ST6GALNAC3: variants seen among roughly 807,000 people sequenced by gnomAD.
ST6GALNAC3 encodes the protein alpha-N-acetylgalactosaminide alpha-2,6-sialyltransferase 3.
A neutral mutation model predicts 32.7 loss-of-function variants in ST6GALNAC3; 25 were observed. The observed-to-expected ratio is 0.76, with a 90% CI of 0.56 to 1.07. The LOEUF (loss-of-function observed/expected upper bound fraction) is 1.07, where lower values mean the gene tolerates loss of function less well. ST6GALNAC3 is among the 50% of genes least tolerant of loss of function. ST6GALNAC3 has a pLI of 0.00. For missense variants in ST6GALNAC3, 355 were observed against 382.4 expected (o/e 0.93, Z 0.60); for synonymous variants, 129 against 133.1 (o/e 0.97, Z 0.21).
chr1:76,147,063 T>A (rs1650731037), intron 1 of ST6GALNAC3, among the ~76,000 whole-genome samples: 3 of 143,522 alleles, frequency 2.1e-5, no homozygotes, highest in African/African-American at 7.6e-5. Context: ...TCCCCCCACT[T>A]CTTTTTTTTT....
chr1:76,221,764 T>G (rs1655785403), intron 1 of ST6GALNAC3, among the ~76,000 whole-genome samples: 1 of 152,204 alleles, frequency 6.6e-6, no homozygotes, highest in Non-Finnish European at 1.5e-5. Flanking sequence ...AAGATTGGCC[T>G]CTTTATGCTC....
intron 1 of ST6GALNAC3, among the ~76,000 whole-genome samples, chr1:76,263,828 CTT>C (rs370173259): frequency 6.6e-6 from 1 of 151,470 alleles, no homozygotes; most frequent in African/African-American, 2.4e-5. Flanking sequence ...CTTAGAAGTG[CTT>C]TTTTTTTTTT....
At chr1:76,475,873 C>T (rs571475961) in intron 3 of ST6GALNAC3, among the ~76,000 whole-genome samples, 6 of 152,172 alleles carry the variant, frequency 3.9e-5, no homozygotes, top group South Asian at 4.2e-4. Flanking sequence ...CGACAGGCCC[C>T]GCTGTGTGAT....
At chr1:76,157,765 A>C (rs1477344261) in intron 1 of ST6GALNAC3, among the ~76,000 whole-genome samples, 1 of 152,358 alleles carries the variant, frequency 6.6e-6, no homozygotes, top group East Asian at 1.9e-4. Flanking sequence ...CAGAATAACT[A>C]TACCACCCTA....
At chr1:76,223,547 CT>C (rs1655899854) in intron 1 of ST6GALNAC3, among the ~76,000 whole-genome samples, 1 of 152,082 alleles carries the variant, frequency 6.6e-6, no homozygotes, top group Non-Finnish European at 1.5e-5. Flanking sequence ...ACATGTACCC[CT>C]GAACTTAAAA....
At chr1:76,230,345 ATATT>A (rs1457531010) in intron 1 of ST6GALNAC3, among the ~76,000 whole-genome samples, 2 of 152,162 alleles carry the variant, frequency 1.3e-5, no homozygotes, top group African/African-American at 4.8e-5. Flanking sequence ...TGTTATTACT[ATATT>A]TGAGAATTGT....
chr1:76,091,013 C>T (rs1428375947), intron 1 of ST6GALNAC3, among the ~76,000 whole-genome samples: 5 of 152,106 alleles, frequency 3.3e-5, no homozygotes, highest in South Asian at 2.1e-4. Context: ...CTTGCAATTG[C>T]GCAGGCCGAA....
chr1:76,253,496 A>G (rs1036951504), intron 1 of ST6GALNAC3, among the ~76,000 whole-genome samples: 4 of 152,266 alleles, frequency 2.6e-5, no homozygotes, highest in African/African-American at 9.6e-5. Flanking sequence ...GAAAGAGATT[A>G]TGTCAACACA....
At chr1:76,380,940 G>T (rs1335948887) in intron 2 of ST6GALNAC3, among the ~76,000 whole-genome samples, 8 of 152,096 alleles carry the variant, frequency 5.3e-5, no homozygotes, top group Admixed American at 5.2e-4. Flanking sequence ...CATTTTAAGA[G>T]ATGCAGTGTC....
At chr1:76,233,102 T>C (rs1656461680) in intron 1 of ST6GALNAC3, among the ~76,000 whole-genome samples, 1 of 152,192 alleles carries the variant, frequency 6.6e-6, no homozygotes, top group South Asian at 2.1e-4. Context: ...GTTCGATACA[T>C]GTTCATTGTT....
Position 76,555,405 on chromosome 1 carries a change from A to G in ST6GALNAC3, c.624-72047A>G, listed in dbSNP as rs553861838. 6.9e-4 allele frequency among the ~76,000 whole-genome samples: 105 copies of G among 152,170 alleles called. 1 individual carries two copies. The highest frequency in any genetic ancestry group is 6.2e-3 in the South Asian group (30 of 4,824). ...TGATGGGGCAGGGAGAGAGTGGGTG[A>G]CTCCTTCTCTTAAAGGATTCTTCCT... is the stretch of plus-strand genomic sequence containing the variant. On this transcript the variant is annotated intron_variant, in intron 3 of 4. Transcript: ENST00000328299.
intron 1 of ST6GALNAC3, among the ~76,000 whole-genome samples, chr1:76,132,034 A>G (rs7542154): frequency 0.026 from 4,014 of 152,224 alleles, 179 homozygotes; most frequent in African/African-American, 0.092. Flanking sequence ...CAATGCCACC[A>G]TTCCACTCCT....
intron 1 of ST6GALNAC3, among the ~76,000 whole-genome samples, chr1:76,081,472 A>G (rs1418134724): frequency 2.0e-5 from 3 of 152,220 alleles, no homozygotes; most frequent in East Asian, 3.9e-4. Flanking sequence ...TTATTTCACC[A>G]TCTTCTACCC....
intron 2 of ST6GALNAC3, among the ~76,000 whole-genome samples, chr1:76,345,578 A>G (rs1357263032): frequency 6.6e-6 from 1 of 152,172 alleles, no homozygotes; most frequent in African/African-American, 2.4e-5. Context: ...AATGATAAAA[A>G]TAATAACACA....
intron 3 of ST6GALNAC3, among the ~76,000 whole-genome samples, chr1:76,533,111 C>T (rs79347663): frequency 0.021 from 3,152 of 152,172 alleles, 66 homozygotes; most frequent in African/African-American, 0.048. Context: ...GAGACTTATG[C>T]AAGTCATTAT....
intron 3 of ST6GALNAC3, among the ~76,000 whole-genome samples, chr1:76,482,608 G>A (rs1659796123): frequency 6.6e-6 from 1 of 152,100 alleles, no homozygotes; most frequent in Admixed American, 6.6e-5. Flanking sequence ...TTTTACTGTA[G>A]CATTTTTACC....
chr1:76,324,361 G>A (rs1218121378), intron 2 of ST6GALNAC3, among the ~76,000 whole-genome samples: 2 of 152,172 alleles, frequency 1.3e-5, no homozygotes, highest in Non-Finnish European at 2.9e-5. Context: ...AATAGTAACT[G>A]TGGTGGAAAG....
At chr1:76,428,275 A>C (rs1221922846) in intron 3 of ST6GALNAC3, among the ~76,000 whole-genome samples, 1 of 152,064 alleles carries the variant, frequency 6.6e-6, no homozygotes, top group African/African-American at 2.4e-5. Context: ...TTTTAATCTA[A>C]TTCTCTGAAT....
At chr1:76,291,620 C>T (rs555525891) in intron 1 of ST6GALNAC3, among the ~76,000 whole-genome samples, 13 of 152,294 alleles carry the variant, frequency 8.5e-5, no homozygotes, top group African/African-American at 2.9e-4. Flanking sequence ...TAAGTAGTAG[C>T]TCCTTAAGCC....
Sources: allele counts gnomAD v4.1 joint callset (sites outside exome capture counted in the v4.1 genomes callset), GRCh38; gene constraint gnomAD v4.1.1; transcripts MANE v1.5; gene names NCBI Gene and HGNC (gene_info 2026-07-23, HGNC 2026-07-21).